The following PCDHGB6 variants were observed in gnomAD, a reference collection of about 807,000 sequenced individuals.
The protein encoded by PCDHGB6 is protocadherin gamma subfamily B, 6.
In PCDHGB6, 51 loss-of-function variants were observed where a neutral mutation model predicts 59.1. The ratio of observed to expected loss-of-function variants is 0.86; its 90% CI spans 0.69 to 1.09. PCDHGB6 has a LOEUF of 1.09. Ranked by LOEUF, PCDHGB6 falls within the 50% of genes least tolerant of loss-of-function variation. The probability of loss-of-function intolerance (pLI) is 0.00; values close to 1 mark genes in which losing one functional copy is unlikely to be tolerated. For missense variants in PCDHGB6, 1,148 were observed against 1,205.1 expected, an observed-to-expected ratio of 0.95 and a Z score of 0.70; for synonymous variants, 466 against 495.1, an observed-to-expected ratio of 0.94 and a Z score of 0.78.
chr5:141,472,673 C>T (rs2099292538), intron 1 of PCDHGB6, among the ~76,000 whole-genome samples: 3 of 151,340 alleles, frequency 2.0e-5, no homozygotes, highest in Admixed American at 2.0e-4. Context: ...GTATACTGGT[C>T]CTTCCATTTC....
At chr5:141,478,500 T>C (rs754881921) in intron 1 of PCDHGB6, 16 of 1,612,740 alleles carry the variant, frequency 9.9e-6, no homozygotes, top group Non-Finnish European at 1.4e-5. Context: ...TGTGATCCGG[T>C]GTTCTATAGG....
At position 141,432,395 on chromosome 5, in the gene PCDHGB6, G is replaced by A; in HGVS notation, c.2418+21775G>A. 6.2e-7 allele frequency: 1 copy of A among 1,614,240 alleles called. No individual in the cohort carries two copies. ...CGGGCACCCGCCCCTCAGCAGCAAC[G>A]TGTCGTTGAGCCTGTTCGTGCTGGA... On this transcript the variant is annotated intron_variant, in intron 1 of 3. Coordinates refer to ENST00000520790, the MANE Select transcript of PCDHGB6 (RefSeq NM_018926.3). This position sits in a 1 kb window ranked among gnomAD's most constrained non-coding sequence, Gnocchi z 6.0.
In PCDHGB6 at chr5:141,489,399, C is replaced by A. The variant is rs2099686689; in HGVS notation, c.2419-5408C>A. On this transcript the variant is annotated intron_variant, in intron 1 of 3. Coordinates refer to ENST00000520790, the MANE Select transcript of PCDHGB6 (RefSeq NM_018926.3). The surrounding 1 kb of genome is among the most constrained non-coding windows in gnomAD (Gnocchi z 4.5). ...TGGGGAATGTTGCTCAGGATCTGGGCTTAAAGATGACAGATCTGTTGAGCC... is the reference window on the plus strand; with the variant it reads ...TGGGGAATGTTGCTCAGGATCTGGGATTAAAGATGACAGATCTGTTGAGCC... 1 of 1,614,024 alleles carries A rather than the reference C, an allele frequency of 6.2e-7. No homozygotes were observed. Among genetic ancestry groups the A allele is most frequent in the African/African-American group, 1.3e-5 (1 of 74,910 alleles).
chr5:141,469,104 C>T (rs1046234848), intron 1 of PCDHGB6, among the ~76,000 whole-genome samples: 1 of 151,760 alleles, frequency 6.6e-6, no homozygotes, highest in Admixed American at 6.6e-5. Flanking sequence ...AAGCAAGAAC[C>T]TGTCTCTAAA....
chr5:141,462,393 C>A (rs1465154354), intron 1 of PCDHGB6, among the ~76,000 whole-genome samples: 4 of 152,062 alleles, frequency 2.6e-5, no homozygotes, highest in African/African-American at 9.7e-5. Flanking sequence ...GTTAACATTT[C>A]TTTTATGGCA....
chr5:141,417,910 A>G (rs1339671115), intron 1 of PCDHGB6: 2 of 1,599,246 alleles, frequency 1.3e-6, no homozygotes, highest in East Asian at 2.3e-5. Flanking sequence ...GGCAGGTACT[A>G]TTTCCTTTGC....
intron 1 of PCDHGB6, among the ~76,000 whole-genome samples, chr5:141,468,777 A>T (rs2099178581): frequency 6.7e-6 from 1 of 150,364 alleles, no homozygotes; most frequent in Non-Finnish European, 1.5e-5. Flanking sequence ...GAGGCAGGAG[A>T]ATGGCGTGAA....
At chr5:141,441,005 C>T (rs772059231) in intron 1 of PCDHGB6, 1 of 152,116 alleles carries the variant, frequency 6.6e-6, no homozygotes, top group Non-Finnish European at 1.5e-5. Context: ...CTAGTTTGGC[C>T]TTGATCAAAT....
Position 141,489,363 on chromosome 5 carries a change from G to A in PCDHGB6, c.2419-5444G>A, listed in dbSNP as rs767837736. On this transcript the variant is annotated intron_variant, in intron 1 of 3. Transcript: ENST00000520790. This position sits in a 1 kb window ranked among gnomAD's most constrained non-coding sequence, Gnocchi z 4.5. ...ACTCAGTGGTGGAGGAGTCTGAGCC[G>A]GGGACGCTGGTGGGGAATGTTGCTC... 46 of 1,613,114 alleles carry A rather than the reference G, an allele frequency of 2.9e-5. 1 individual carries two copies. In the South Asian group the frequency reaches 3.4e-4, roughly 12 times the overall value.
chr5:141,419,455 G>A lies in PCDHGB6; in HGVS notation c.2418+8835G>A, dbSNP rs770156844. 8.1e-6 allele frequency: 13 copies of A among 1,612,598 alleles called. No homozygotes were observed. The African/African-American group carries it at 1.7e-4, about 22-fold the overall frequency. ...AGCTGCGCACCTTCGAGCTCACGCT[G>A]CAGGCCCGCGACCAGGGCTCGCCCG... is the stretch of plus-strand genomic sequence containing the variant. On this transcript the variant is annotated intron_variant, in intron 1 of 3. Coordinates refer to ENST00000520790, the MANE Select transcript of PCDHGB6 (RefSeq NM_018926.3).
chr5:141,449,837 TAATTA>T (rs1054425190), intron 1 of PCDHGB6, among the ~76,000 whole-genome samples: 11 of 151,856 alleles, frequency 7.2e-5, no homozygotes, highest in Middle Eastern at 3.4e-3. Context: ...TTCTTTTATA[TAATTA>T]AATTTTAATA....
intron 1 of PCDHGB6, chr5:141,426,519 C>T: frequency 8.8e-6 from 3 of 341,848 alleles, no homozygotes; most frequent in South Asian, 6.9e-5. Flanking sequence ...TTACCGTGAA[C>T]ACGGAGAATG....
chr5:141,432,014 A>G lies in PCDHGB6; in HGVS notation c.2418+21394A>G, dbSNP rs778393699. The G allele has an allele frequency of 1.5e-5, 25 of 1,614,078 alleles. No individual in the cohort carries two copies. The highest frequency in any genetic ancestry group is 2.0e-5 in the Non-Finnish European group (24 of 1,180,036). ...GGATAGGGAACAGGTTCCTAGCTAC[A>G]ACATCACAGTGACCGCCACTGACCG... On this transcript the variant is annotated intron_variant, in intron 1 of 3. Coordinates refer to ENST00000520790, the MANE Select transcript of PCDHGB6 (RefSeq NM_018926.3). This position sits in a 1 kb window ranked among gnomAD's most constrained non-coding sequence, Gnocchi z 6.0.
At chr5:141,419,644 C>T (rs867285747) in intron 1 of PCDHGB6, 1 of 1,612,514 alleles carries the variant, frequency 6.2e-7, no homozygotes, top group Middle Eastern at 1.7e-4. Context: ...TGGCCGTGGA[C>T]GCGGACTCGG....
intron 1 of PCDHGB6, among the ~76,000 whole-genome samples, chr5:141,463,087 C>T (rs971667191): frequency 6.6e-6 from 1 of 152,120 alleles, no homozygotes; most frequent in Non-Finnish European, 1.5e-5. Context: ...CATTTTCCAG[C>T]CCTATGTGAC....
Position 141,485,175 on chromosome 5 carries a change from T to C in PCDHGB6, c.2419-9632T>C, listed in dbSNP as rs2099608731. ...GTAGAGAATTAGCGGGCGGCAGCAA[T>C]GCTCCGCAAGGTGAGAAGCTGGACA... On this transcript the variant is annotated intron_variant, in intron 1 of 3. Coordinates refer to ENST00000520790, the MANE Select transcript of PCDHGB6 (RefSeq NM_018926.3). The surrounding 1 kb of genome is among the most constrained non-coding windows in gnomAD (Gnocchi z 5.7). 6.2e-7 allele frequency: 1 copy of C among 1,611,486 alleles called. No homozygotes were observed. Among genetic ancestry groups the C allele is most frequent in the Non-Finnish European group, 8.5e-7 (1 of 1,177,998 alleles).
chr5:141,501,292 C>CACAT (rs200296563), intron 2 of PCDHGB6, among the ~76,000 whole-genome samples: 14,029 of 50,334 alleles, frequency 0.28, 723 homozygotes, highest in Admixed American at 0.4. Flanking sequence ...TTCCCTTATA[C>CACAT]ACACACACAC....
rs1041367498 is a variant in PCDHGB6 at position 141,489,060 on chromosome 5, T to G, written c.2419-5747T>G. ...CAGCTCCACTCAAATTCAGCTCCCCTCCCCCCTGCCCACCCCCGCCACTCG... is the reference window on the plus strand; with the variant it reads ...CAGCTCCACTCAAATTCAGCTCCCCGCCCCCCTGCCCACCCCCGCCACTCG... On this transcript the variant is annotated intron_variant, in intron 1 of 3. Transcript: ENST00000520790. This position sits in a 1 kb window ranked among gnomAD's most constrained non-coding sequence, Gnocchi z 4.5. The G allele has an allele frequency of 1.7e-5, 5 of 300,224 alleles. No individual in the cohort carries two copies. The highest frequency in any genetic ancestry group is 2.4e-5 in the African/African-American group (1 of 42,484). The allele number at this position is 300,224 out of a possible 1,614,324, so 18.6% of individuals were successfully genotyped here.
chr5:141,468,599 G>C (rs1055715232), intron 1 of PCDHGB6: 7 of 152,236 alleles, frequency 4.6e-5, no homozygotes, highest in African/African-American at 1.4e-4. Flanking sequence ...GGGCGCGGTG[G>C]CTCACGCCTG....
Sources: gnomAD v4.1 joint callset for allele counts (sites outside exome capture counted in the v4.1 genomes callset) on GRCh38, gnomAD v4.1.1 for gene constraint, Gnocchi (gnomAD v3.1) non-coding constraint, MANE v1.5 for transcripts, NCBI Gene and HGNC (gene_info 2026-07-23, HGNC 2026-07-21) for gene names.